Variants in STIMATE observed in about 807,000 individuals in gnomAD.
The protein encoded by STIMATE is store-operated calcium entry regulator STIMATE.
Under a neutral mutation model 36.7 loss-of-function variants are expected in STIMATE, and 15 were observed. The observed-to-expected ratio is 0.41, with a 90% CI of 0.27 to 0.63. The LOEUF (loss-of-function observed/expected upper bound fraction) is 0.63, where lower values mean the gene tolerates loss of function less well. STIMATE is among the 20% of genes least tolerant of loss of function. The probability of loss-of-function intolerance (pLI) is 0.32; values close to 1 mark genes in which losing one functional copy is unlikely to be tolerated. For missense variants in STIMATE, 305 were observed against 397.3 expected (o/e 0.77, Z 1.98); for synonymous variants, 163 against 162.3 (o/e 1.00, Z -0.03).
intron 1 of STIMATE, among the ~76,000 whole-genome samples, chr3:52,896,599 G>A (rs995671092): frequency 1.3e-5 from 2 of 152,208 alleles, no homozygotes; most frequent in Non-Finnish European, 2.9e-5. Flanking sequence ...ACAGCCAGGG[G>A]AAGCTATAGA....
intron 4 of STIMATE, chr3:52,847,573 T>C: frequency 7.8e-7 from 1 of 1,288,222 alleles, no homozygotes. Flanking sequence ...AGACACATCC[T>C]AGAAAAATAA....
chr3:52,887,993 A>AGTTTTTTTTT (rs1701717047), intron 1 of STIMATE, among the ~76,000 whole-genome samples: 1 of 19,900 alleles, frequency 5.0e-5, no homozygotes, highest in African/African-American at 1.2e-4. Flanking sequence ...TAACAGAATC[A>AGTTTTTTTTT]GTTTTTTTTT....
intron 1 of STIMATE, among the ~76,000 whole-genome samples, chr3:52,857,020 C>G (rs572909060): frequency 6.6e-6 from 1 of 152,314 alleles, no homozygotes; most frequent in Admixed American, 6.5e-5. Flanking sequence ...TGCCTTGTTA[C>G]TCCTGGTGGT....
intron 1 of STIMATE, among the ~76,000 whole-genome samples, chr3:52,885,676 C>T (rs575298090): frequency 2.0e-5 from 3 of 152,216 alleles, no homozygotes; most frequent in Non-Finnish European, 4.4e-5. Context: ...TTTCCTTCTG[C>T]ATAGCTCTTT....
At chr3:52,896,095 T>A in intron 1 of STIMATE, 1 of 456,218 alleles carries the variant, frequency 2.2e-6, no homozygotes, top group South Asian at 1.7e-5. Flanking sequence ...GAACGCGGTA[T>A]CCATGATCAG....
chr3:52,881,581 T>C (rs1366650775), intron 1 of STIMATE, among the ~76,000 whole-genome samples: 5 of 151,602 alleles, frequency 3.3e-5, no homozygotes, highest in African/African-American at 1.2e-4. Context: ...TGGGTGCCTG[T>C]ATCCCAGCTA....
At chr3:52,867,631 G>A (rs777361046) in intron 1 of STIMATE, among the ~76,000 whole-genome samples, 21 of 152,220 alleles carry the variant, frequency 1.4e-4, no homozygotes, top group Non-Finnish European at 1.2e-4. Context: ...GCTGTCTCAC[G>A]GGCCAGTGCC....
At chr3:52,845,348 C>A (rs897039396) in intron 4 of STIMATE, among the ~76,000 whole-genome samples, 2 of 152,206 alleles carry the variant, frequency 1.3e-5, no homozygotes, top group Non-Finnish European at 2.9e-5. Context: ...CCTTCTCTGT[C>A]CATGAGTGGA....
At chr3:52,892,667 GTAT>G (rs1553631678) in intron 1 of STIMATE, among the ~76,000 whole-genome samples, 1 of 152,180 alleles carries the variant, frequency 6.6e-6, no homozygotes, top group Non-Finnish European at 1.5e-5. Flanking sequence ...GGGAAACAGA[GTAT>G]TCACATGATC....
At position 52,855,524 on chromosome 3, in the gene STIMATE, T is replaced by C. The variant is rs149223598; in HGVS notation, c.161-80A>G. ...TGCACATAACAAGCTGGGTTATCAG[T>C]CTACTCACTGTGTGTATAACCAAGG... On this transcript the variant is annotated intron_variant, in intron 1 of 7. Coordinates refer to ENST00000355083, the MANE Select transcript of STIMATE (RefSeq NM_198563.5). The C allele has an allele frequency of 5.6e-4, 899 of 1,593,888 alleles. 4 individuals are homozygous for C. The highest frequency in any genetic ancestry group is 1.5e-3 in the Middle Eastern group (9 of 6,030).
At chr3:52,869,600 C>G (rs542823607) in intron 1 of STIMATE, among the ~76,000 whole-genome samples, 28 of 152,336 alleles carry the variant, frequency 1.8e-4, no homozygotes, top group African/African-American at 6.7e-4. Context: ...ACTTCATATG[C>G]AATACTAAGC....
intron 1 of STIMATE, among the ~76,000 whole-genome samples, chr3:52,882,067 A>C (rs1701614573): frequency 6.6e-6 from 1 of 152,242 alleles, no homozygotes; most frequent in Non-Finnish European, 1.5e-5. Flanking sequence ...GGCTGCAGCC[A>C]ATCTGTCAGC....
chr3:52,854,403 TAAC>T (rs1421465498), intron 2 of STIMATE, among the ~76,000 whole-genome samples: 1 of 152,166 alleles, frequency 6.6e-6, no homozygotes, highest in Non-Finnish European at 1.5e-5. Context: ...GAGACTGAGT[TAAC>T]AATCAATCAT....
chr3:52,843,220 C>T, intron 6 of STIMATE: 1 of 577,250 alleles, frequency 1.7e-6, no homozygotes, highest in Non-Finnish European at 2.8e-6. Flanking sequence ...GGGGAACAGC[C>T]TGTTTGGGGC....
chr3:52,843,997 T>A (rs959149526), intron 5 of STIMATE, among the ~76,000 whole-genome samples, 199 bp from the exon 6 acceptor site: 1 of 152,218 alleles, frequency 6.6e-6, no homozygotes. Context: ...ATTAAGCATC[T>A]GGTGCTTTGG....
intron 1 of STIMATE, among the ~76,000 whole-genome samples, chr3:52,863,990 C>T (rs1053423796): frequency 1.1e-4 from 17 of 152,232 alleles, no homozygotes; most frequent in Non-Finnish European, 1.9e-4. Context: ...GATGCGCTGG[C>T]GTTGAGTGTC....
At chr3:52,849,386 G>T (rs1441169748) in intron 4 of STIMATE, among the ~76,000 whole-genome samples, 2 of 152,226 alleles carry the variant, frequency 1.3e-5, no homozygotes, top group Non-Finnish European at 2.9e-5. Context: ...CCTCGTTATT[G>T]AACACCTTCG....
intron 1 of STIMATE, among the ~76,000 whole-genome samples, chr3:52,880,244 T>A (rs1308596178): frequency 6.6e-6 from 1 of 152,114 alleles, no homozygotes; most frequent in Non-Finnish European, 1.5e-5. Context: ...TCAGCACGCA[T>A]CCTTCTGACG....
chr3:52,866,058 G>A (rs576093416), intron 1 of STIMATE, among the ~76,000 whole-genome samples: 19 of 152,264 alleles, frequency 1.2e-4, no homozygotes, highest in South Asian at 2.1e-4. Flanking sequence ...CTGCTGCCGC[G>A]AATGTCCCTG....
Sources: allele counts gnomAD v4.1 joint callset (sites outside exome capture counted in the v4.1 genomes callset), GRCh38; gene constraint gnomAD v4.1.1; transcripts MANE v1.5; gene names NCBI Gene and HGNC (gene_info 2026-07-23, HGNC 2026-07-21).